Variants in ARMC10 observed in about 807,000 individuals in gnomAD.
The protein encoded by ARMC10 is armadillo repeat-containing protein 10.
ARMC10 carries 23 observed loss-of-function variants against 30.2 expected under a neutral mutation model. That is an observed-to-expected ratio of 0.76 (90% CI 0.55 to 1.08). The LOEUF (loss-of-function observed/expected upper bound fraction) is 1.08. ARMC10 is among the 50% of genes least tolerant of loss of function. The pLI is 0.00. For synonymous variants in ARMC10, 111 were observed against 164.4 expected (o/e 0.68, Z 2.48); for missense variants, 303 against 413.7 (o/e 0.73, Z 2.32).
rs1273917492 is a variant in ARMC10 at position 103,098,690 on chromosome 7, G to A, written c.*137G>A. On this transcript the variant is annotated 3_prime_UTR_variant, in exon 7 of 7. Coordinates refer to ENST00000323716, the MANE Select transcript of ARMC10 (RefSeq NM_031905.5). The stretch of plus-strand genomic sequence containing the variant: ...GTCATTAACACAGCTATAACTTGCC[G>A]TGGTTCTCAGATTTATTTTGGACTA... 16 of 1,397,296 alleles carry A rather than the reference G, an allele frequency of 1.1e-5. No individual in the cohort carries two copies. The highest frequency in any genetic ancestry group is 5.2e-5 in the South Asian group (3 of 58,150). 86.6% of individuals were successfully genotyped at this position (1,397,296 alleles called of 1,614,324 possible). A position where few individuals can be genotyped will look rare whatever the true frequency, so the allele number is the denominator to read the frequency against.
chr7:103,080,485 C>G (rs1398639887), intron 2 of ARMC10, among the ~76,000 whole-genome samples: 1 of 151,968 alleles, frequency 6.6e-6, no homozygotes, highest in African/African-American at 2.4e-5. Flanking sequence ...GAACTCCTGA[C>G]CTCAGCTTAT....
intron 4 of ARMC10, chr7:103,087,657 C>T: frequency 2.5e-6 from 1 of 394,288 alleles, no homozygotes; most frequent in Non-Finnish European, 3.4e-6. Flanking sequence ...AGGATGTGCT[C>T]CTATGAAGAA....
At position 103,085,698 on chromosome 7, in the gene ARMC10, A is replaced by G. The variant is rs1409532087; in HGVS notation, c.394-932A>G. Among the ~76,000 whole-genome samples, 3 of 149,464 alleles carry G rather than the reference A, an allele frequency of 2.0e-5. No homozygotes were observed. The East Asian group carries it at 5.9e-4, about 29-fold the overall frequency. ...AGTGGTGCAGTCTCAACTCACTGTA[A>G]CCTCCTCCCAGGTTCAAGCGATTCT... is the stretch of plus-strand genomic sequence containing the variant. On this transcript the variant is annotated intron_variant, in intron 3 of 6. Transcript: ENST00000323716.
At chr7:103,094,098 G>A (rs1368838921) in intron 5 of ARMC10, among the ~76,000 whole-genome samples, 1 of 152,198 alleles carries the variant, frequency 6.6e-6, no homozygotes, top group Non-Finnish European at 1.5e-5. Context: ...GGGAAAGTGT[G>A]TCTGATTTAG....
Position 103,075,852 on chromosome 7 carries a change from A to C in ARMC10, c.215A>C (p.Glu72Ala). 1 of 1,610,614 alleles carries C rather than the reference A, an allele frequency of 6.2e-7. No homozygotes were observed. The highest frequency in any genetic ancestry group is 8.5e-7 in the Non-Finnish European group (1 of 1,178,556). Residue 72 changes from glutamate to alanine, a missense_variant, in exon 2 of 7, where the codon GAG (glutamate) becomes GCG (alanine). Physicochemically the swap from Glu to Ala is moderately radical, Grantham distance 107. Around this residue, in one of 4 missense-constraint regions of ARMC10, gnomAD observed 96 missense variants for 84.2 expected, o/e 1.14. Transcript: ENST00000323716. ...SARPQTGGTW[E>A]SQWSKTSQPE... is the part of the protein sequence containing the mutation. Reference sequence around the variant, plus strand: ...CGGCCTCAGACGGGAGGTACCTGGGAGTCACAGTGGTCCAAGACCTCGCAG... The same window carrying C: ...CGGCCTCAGACGGGAGGTACCTGGGCGTCACAGTGGTCCAAGACCTCGCAG...
At chr7:103,075,645 G>C in intron 1 of ARMC10, 132 bp from the exon 2 acceptor site, 1 of 897,242 alleles carries the variant, frequency 1.1e-6, no homozygotes, top group Non-Finnish European at 1.6e-6. Flanking sequence ...CGGAGGATTA[G>C]ATTTCTTAAA....
intron 2 of ARMC10, chr7:103,083,090 C>A (rs577912823): frequency 6.6e-6 from 3 of 456,472 alleles, no homozygotes; most frequent in African/African-American, 4.0e-5. Context: ...GATGGGTGTA[C>A]CTCGTTTTTA....
At chr7:103,095,404 A>G (rs1334973062) in intron 5 of ARMC10, among the ~76,000 whole-genome samples, 1 of 152,220 alleles carries the variant, frequency 6.6e-6, no homozygotes, top group Non-Finnish European at 1.5e-5. Context: ...AAAAATACCA[A>G]CACTTAATCG....
Position 103,092,630 on chromosome 7 carries a change from C to T in ARMC10, c.682C>T (p.Leu228Phe), listed in dbSNP as rs542188065. The change falls in exon 5 of 7, where the codon CTT becomes TTT. Residue 228 changes from leucine to phenylalanine, a missense_variant. Physicochemically the swap from Leu to Phe is conservative, Grantham distance 22. Coordinates refer to ENST00000323716, the MANE Select transcript of ARMC10 (RefSeq NM_031905.5). ...CATTACAGACCTGTTCCAGGTGTTA[C>T]TTACTGGAAATGGAAACACGAAGGT... ...SYITDLFQVL[L>F]TGNGNTKVQV... is the part of the protein sequence containing the mutation. 3.8e-6 allele frequency: 6 copies of T among 1,574,644 alleles called. No individual in the cohort carries two copies. The African/African-American group carries it at 8.1e-5, about 21-fold the overall frequency.
intron 5 of ARMC10, among the ~76,000 whole-genome samples, chr7:103,093,767 C>CT (rs1171175504): frequency 2.0e-5 from 3 of 152,212 alleles, no homozygotes; most frequent in South Asian, 2.1e-4. Context: ...AGGAGGAACT[C>CT]TGAGTCCAGA....
intron 4 of ARMC10, among the ~76,000 whole-genome samples, chr7:103,090,016 AT>A (rs897740588): frequency 7.2e-5 from 11 of 152,150 alleles, no homozygotes; most frequent in African/African-American, 2.7e-4. Flanking sequence ...GAAAGGAGAG[AT>A]TTCATCCAAA....
chr7:103,076,043 A>G (rs1189007026), intron 2 of ARMC10, among the ~76,000 whole-genome samples, 162 bp downstream of exon 2: 1 of 152,222 alleles, frequency 6.6e-6, no homozygotes, highest in Non-Finnish European at 1.5e-5. Flanking sequence ...TTAAAATATC[A>G]TATCTGCCAT....
Position 103,079,991 on chromosome 7 carries a change from A to G in ARMC10, c.245-3691A>G, listed in dbSNP as rs142410146. Among the ~76,000 whole-genome samples, 65 of 152,334 alleles carry G rather than the reference A, an allele frequency of 4.3e-4. No homozygotes were observed. The East Asian group carries it at 9.5e-3, about 22-fold the overall frequency. On this transcript the variant is annotated intron_variant, in intron 2 of 6. Transcript: ENST00000323716. ...TTGTCTTGCTACGTTATAATGTGGTAGTCACTTTTCATTCCCTTTGAGAAT... is the reference window on the plus strand; with the variant it reads ...TTGTCTTGCTACGTTATAATGTGGTGGTCACTTTTCATTCCCTTTGAGAAT...
Position 103,075,149 on chromosome 7 carries a change from C to T in ARMC10, c.-124C>T, listed in dbSNP as rs1436081823. Reference sequence around the variant, plus strand: ...GCGGAGCTCAGACCCCATTTCCTTTCTCCACATCCAGGTCAGGTGGCGTTT... The same window carrying T: ...GCGGAGCTCAGACCCCATTTCCTTTTTCCACATCCAGGTCAGGTGGCGTTT... On this transcript the variant is annotated 5_prime_UTR_variant, in exon 1 of 7. Coordinates refer to ENST00000323716, the MANE Select transcript of ARMC10 (RefSeq NM_031905.5). 2.0e-5 allele frequency: 13 copies of T among 653,238 alleles called. No homozygotes were observed. The highest frequency in any genetic ancestry group is 2.6e-5 in the Non-Finnish European group (13 of 500,708). 40.5% of individuals were successfully genotyped at this position (653,238 alleles called of 1,614,324 possible). A position where few individuals can be genotyped will look rare whatever the true frequency, so the allele number is the denominator to read the frequency against.
At chr7:103,086,254 A>G (rs1220801215) in intron 3 of ARMC10, among the ~76,000 whole-genome samples, 1 of 152,162 alleles carries the variant, frequency 6.6e-6, no homozygotes, top group Admixed American at 6.5e-5. Flanking sequence ...CACTAACTTT[A>G]GTATTCTAAA....
chr7:103,091,352 T>A (rs1801307333), intron 4 of ARMC10, among the ~76,000 whole-genome samples: 1 of 152,184 alleles, frequency 6.6e-6, no homozygotes, highest in African/African-American at 2.4e-5. Flanking sequence ...AGAAAGCTCA[T>A]GGCCAGACAC....
In ARMC10 at chr7:103,092,573, A is replaced by G; in HGVS notation, c.625A>G (p.Thr209Ala). 6.2e-7 allele frequency: 1 copy of G among 1,610,348 alleles called. No homozygotes were observed. Among genetic ancestry groups the G allele is most frequent in the Non-Finnish European group, 8.5e-7 (1 of 1,176,944 alleles). The change falls in exon 5 of 7, where the codon ACC becomes GCC. Residue 209 changes from threonine to alanine, a missense_variant. Thr to Ala is a moderately conservative substitution (Grantham distance 58). Transcript: ENST00000323716. Reference protein sequence around the residue: ...GLTLLTNMTVTNDHQHMLHSY... With the variant: ...GLTLLTNMTVANDHQHMLHSY... The stretch of plus-strand genomic sequence containing the variant: ...GACATTGTTGACAAACATGACTGTT[A>G]CCAATGACCACCAGCACATGCTTCA...
At chr7:103,095,730 T>C (rs1387868642) in intron 5 of ARMC10, 1 of 152,192 alleles carries the variant, frequency 6.6e-6, no homozygotes, top group East Asian at 1.9e-4. Context: ...GTGGCACATA[T>C]ACACCATGGA....
At chr7:103,087,867 G>A (rs1800992581) in intron 4 of ARMC10, 1 of 770,490 alleles carries the variant, frequency 1.3e-6, no homozygotes, top group Non-Finnish European at 1.6e-6. Context: ...CAGAATTACA[G>A]ATTACTATGC....
Sources: allele counts gnomAD v4.1 joint callset (sites outside exome capture counted in the v4.1 genomes callset), GRCh38; gene constraint gnomAD v4.1.1; regional missense constraint gnomAD v4.1.1; transcripts MANE v1.5; gene names NCBI Gene and HGNC (gene_info 2026-07-23, HGNC 2026-07-21).